The following CECR2 variants were observed in gnomAD, a reference collection of about 807,000 sequenced individuals.
The protein encoded by CECR2 is CECR2 histone acetyl-lysine reader.
Under a neutral mutation model 154.5 loss-of-function variants are expected in CECR2, and 30 were observed. The observed-to-expected ratio is 0.19, with a 90% CI of 0.15 to 0.26. CECR2 has a LOEUF of 0.26. Ranked by LOEUF, CECR2 falls within the 10% of genes least tolerant of loss-of-function variation. The pLI is 1.00. For missense variants in CECR2, 1,743 were observed against 1,829.3 expected (o/e 0.95, Z 0.86); for synonymous variants, 725 against 683.7 (o/e 1.06, Z -0.94).
chr22:17,441,166 C>T (rs1032433543), intron 1 of CECR2, among the ~76,000 whole-genome samples: 1 of 152,182 alleles, frequency 6.6e-6, no homozygotes, highest in African/African-American at 2.4e-5. Context: ...CCAGGCTGGT[C>T]TCGAACTCCT....
chr22:17,429,552 A>AAAG (rs1356428915), intron 1 of CECR2, among the ~76,000 whole-genome samples: 2 of 135,208 alleles, frequency 1.5e-5, no homozygotes, highest in African/African-American at 3.4e-5. Flanking sequence ...AAACAAAAAC[A>AAAG]AAAACAAAGA....
intron 1 of CECR2, among the ~76,000 whole-genome samples, chr22:17,410,667 C>G (rs2518748): frequency 0.072 from 10,956 of 152,116 alleles, 539 homozygotes; most frequent in Non-Finnish European, 0.11. Flanking sequence ...AGGCTGGTCT[C>G]GAACTCCTGA....
At chr22:17,475,494 GT>G (rs2055194185) in intron 1 of CECR2, among the ~76,000 whole-genome samples, 1 of 151,998 alleles carries the variant, frequency 6.6e-6, no homozygotes, top group Admixed American at 6.6e-5. Context: ...GGGTCTTGCT[GT>G]GTGGCCCAGG....
chr22:17,402,086 T>C (rs2053902452), intron 1 of CECR2, among the ~76,000 whole-genome samples: 1 of 152,000 alleles, frequency 6.6e-6, no homozygotes, highest in Non-Finnish European at 1.5e-5. Flanking sequence ...CAGATTCAAG[T>C]GATTCTCTTG....
chr22:17,441,434 T>C (rs1268944861), intron 1 of CECR2, among the ~76,000 whole-genome samples: 1 of 152,218 alleles, frequency 6.6e-6, no homozygotes, highest in Non-Finnish European at 1.5e-5. Context: ...TATTTTAGTT[T>C]AGCAAATAAT....
intron 9 of CECR2, among the ~76,000 whole-genome samples, chr22:17,524,671 C>G (rs2056226124): frequency 7.5e-6 from 1 of 133,068 alleles, no homozygotes; most frequent in Non-Finnish European, 1.6e-5. Flanking sequence ...GGATTACAGG[C>G]ATGAGCCACC....
chr22:17,487,821 T>G (rs2055449928), intron 2 of CECR2, among the ~76,000 whole-genome samples: 1 of 152,194 alleles, frequency 6.6e-6, no homozygotes, highest in Non-Finnish European at 1.5e-5. Flanking sequence ...GTCCTGTGGC[T>G]TACACTCTTA....
chr22:17,422,491 A>G (rs1403311213), intron 1 of CECR2, among the ~76,000 whole-genome samples: 1 of 152,102 alleles, frequency 6.6e-6, no homozygotes, highest in Non-Finnish European at 1.5e-5. Flanking sequence ...GCCTGGCCTT[A>G]GAGTAGTTTT....
intron 1 of CECR2, among the ~76,000 whole-genome samples, chr22:17,452,656 G>C (rs1236415812): frequency 6.6e-6 from 1 of 152,184 alleles, no homozygotes; most frequent in East Asian, 1.9e-4. Context: ...AATACTTGTG[G>C]AGTGAGTGAT....
intron 1 of CECR2, among the ~76,000 whole-genome samples, chr22:17,414,326 CAG>C (rs2054121707): frequency 6.6e-6 from 1 of 152,132 alleles, no homozygotes; most frequent in Non-Finnish European, 1.5e-5. Context: ...TCAGTGTTGA[CAG>C]AGTTTTGAAG....
intron 2 of CECR2, among the ~76,000 whole-genome samples, chr22:17,490,583 T>C (rs1339774176): frequency 6.6e-6 from 1 of 151,956 alleles, no homozygotes; most frequent in Non-Finnish European, 1.5e-5. Flanking sequence ...TACAGGTGCA[T>C]GCCACCACGC....
chr22:17,535,539 G>C (rs1418422568), intron 9 of CECR2, among the ~76,000 whole-genome samples: 1 of 151,942 alleles, frequency 6.6e-6, no homozygotes, highest in African/African-American at 2.4e-5. Context: ...GGAGAATAAT[G>C]GATTGTTAAG....
intron 17 of CECR2, 104 bp from the exon 18 acceptor site, chr22:17,551,927 C>T (rs765273838): frequency 3.8e-6 from 4 of 1,061,222 alleles, no homozygotes; most frequent in Non-Finnish European, 5.6e-6. Flanking sequence ...CAGGCCTGAT[C>T]ACCGGGGTGA....
At chr22:17,471,432 A>G (rs747646727) in intron 1 of CECR2, among the ~76,000 whole-genome samples, 10 of 152,204 alleles carry the variant, frequency 6.6e-5, no homozygotes, top group Non-Finnish European at 1.5e-4. Context: ...GATAATCAAA[A>G]TGGATTAAAC....
chr22:17,504,038 C>T (rs965953796), intron 6 of CECR2, among the ~76,000 whole-genome samples: 1 of 81,546 alleles, frequency 1.2e-5, no homozygotes, highest in Non-Finnish European at 2.7e-5. Context: ...CAGAGCAGGA[C>T]TCTGCCTCTA....
chr22:17,529,440 G>T (rs575249256), intron 9 of CECR2, among the ~76,000 whole-genome samples: 85 of 152,294 alleles, frequency 5.6e-4, no homozygotes, highest in African/African-American at 2.0e-3. Context: ...GTGGCTCACG[G>T]TTGTAATCCC....
chr22:17,394,197 C>CTTTTTTTTTTTTTTTTTTTTT lies in CECR2; in HGVS notation c.126+24294_126+24314dup, dbSNP rs71200271. Reference sequence around the variant, plus strand: ...CCACCGCGCCCAGCTGCTGCCGCTGCTTTTTTTTTTTTTTTTTTTTTTTTT... The same window carrying CTTTTTTTTTTTTTTTTTTTTT: ...CCACCGCGCCCAGCTGCTGCCGCTGCTTTTTTTTTTTTTTTTTTTTTTTTTTTTTTTTTTTTTTTTTTTTTT... On this transcript the variant is annotated intron_variant, in intron 1 of 18. Transcript: ENST00000262608. 2.1e-4 allele frequency among the ~76,000 whole-genome samples: 20 copies of CTTTTTTTTTTTTTTTTTTTTT among 97,088 alleles called. 10 individuals are homozygous for CTTTTTTTTTTTTTTTTTTTTT. Among genetic ancestry groups the CTTTTTTTTTTTTTTTTTTTTT allele is most frequent in the African/African-American group, 3.4e-4 (8 of 23,876 alleles). 63.7% of individuals were successfully genotyped at this position (97,088 alleles called of 152,430 possible). A position where few individuals can be genotyped will look rare whatever the true frequency, so the allele number is the denominator to read the frequency against.
intron 8 of CECR2, among the ~76,000 whole-genome samples, chr22:17,514,378 C>A (rs149481815): frequency 9.2e-5 from 14 of 152,234 alleles, no homozygotes; most frequent in Non-Finnish European, 1.6e-4. Flanking sequence ...ATTGCTTAAA[C>A]CAGGGGTTCT....
rs538989390 is a variant in CECR2, at chr22:17,463,872, C to T, written c.127-13716C>T. ...GCAAGAGCAGGGAAAAGAAGAGGTCCAAGGGGTGGTTCTCCAGCAGTAGAG... is the reference window on the plus strand; with the variant it reads ...GCAAGAGCAGGGAAAAGAAGAGGTCTAAGGGGTGGTTCTCCAGCAGTAGAG... On this transcript the variant is annotated intron_variant, in intron 1 of 18. Coordinates refer to ENST00000262608, the MANE Select transcript of CECR2 (RefSeq NM_001290047.2). Among the ~76,000 whole-genome samples the T allele has an allele frequency of 2.6e-5, 4 of 152,072 alleles. No individual in the cohort carries two copies. The East Asian group carries it at 7.7e-4, about 29-fold the overall frequency.
Sources: gnomAD v4.1 joint callset for allele counts (sites outside exome capture counted in the v4.1 genomes callset) on GRCh38, gnomAD v4.1.1 for gene constraint, MANE v1.5 for transcripts, NCBI Gene and HGNC (gene_info 2026-07-23, HGNC 2026-07-21) for gene names.